TEK: variants seen among roughly 807,000 people sequenced by gnomAD.
TEK encodes angiopoietin-1 receptor.
Under a neutral mutation model 131.8 loss-of-function variants are expected in TEK, and 43 were observed. That is an observed-to-expected ratio of 0.33 (90% CI 0.26 to 0.42). The LOEUF (loss-of-function observed/expected upper bound fraction) is 0.42, where lower values mean the gene tolerates loss of function less well. Among genes scored for constraint, TEK ranks in the 10% least tolerant of loss-of-function variants. The pLI is 1.00. For missense variants in TEK, 1,162 were observed against 1,384.4 expected (o/e 0.84, Z 2.55); for synonymous variants, 580 against 491.6 (o/e 1.18, Z -2.38).
intron 1 of TEK, among the ~76,000 whole-genome samples, chr9:27,136,796 A>G (rs769588033): frequency 3.9e-5 from 6 of 151,990 alleles, no homozygotes; most frequent in Admixed American, 2.6e-4. Context: ...TGTGCCATCC[A>G]TTGGAATTTC....
chr9:27,170,589 G>C lies in TEK; in HGVS notation c.628+960G>C, dbSNP rs114108628. ...GCAGTGGGCCAGGCTGGTTGAAAGA[G>C]CAAGACCTTGTCTCAAAAACAAAAA... On this transcript the variant is annotated intron_variant, in intron 4 of 22. Coordinates refer to ENST00000380036, the MANE Select transcript of TEK (RefSeq NM_000459.5). Among the ~76,000 whole-genome samples, 1,386 of 143,978 alleles carry C rather than the reference G, an allele frequency of 9.6e-3. 20 individuals carry two copies. Among genetic ancestry groups the C allele is most frequent in the African/African-American group, 0.033 (1,299 of 38,988 alleles). The allele number at this position is 143,978 out of a possible 152,430, so 94.5% of individuals were successfully genotyped here.
At position 27,217,291 on chromosome 9, in the gene TEK, T is replaced by C. The variant is rs571573207; in HGVS notation, c.2992-397T>C. On this transcript the variant is annotated intron_variant, in intron 18 of 22. Transcript: ENST00000380036. ...TCCCTCCATCATCTCCAGGCGTAGT[T>C]GTTCTCTTCACCCTACCCCAGTTTC... Among the ~76,000 whole-genome samples, 14 of 152,318 alleles carry C rather than the reference T, an allele frequency of 9.2e-5. 1 individual carries two copies. In the South Asian group the frequency reaches 2.9e-3, roughly 32 times the overall value.
chr9:27,224,660 G>T (rs1053523153), intron 21 of TEK, among the ~76,000 whole-genome samples: 1 of 152,140 alleles, frequency 6.6e-6, no homozygotes, highest in Non-Finnish European at 1.5e-5. Flanking sequence ...ACACTGAATG[G>T]ACAAAAGCTG....
At chr9:27,130,003 C>G (rs1822151579) in intron 1 of TEK, among the ~76,000 whole-genome samples, 1 of 152,200 alleles carries the variant, frequency 6.6e-6, no homozygotes, top group Admixed American at 6.5e-5. Flanking sequence ...GCATTGCCTT[C>G]TAATAACTCT....
chr9:27,166,046 C>T (rs552097736), intron 2 of TEK, among the ~76,000 whole-genome samples: 5 of 152,234 alleles, frequency 3.3e-5, no homozygotes, highest in Non-Finnish European at 7.3e-5. Flanking sequence ...CTGAAAGCCA[C>T]GGATGAGATG....
intron 20 of TEK, among the ~76,000 whole-genome samples, chr9:27,219,736 G>A (rs1825981474): frequency 8.2e-6 from 1 of 121,274 alleles, no homozygotes; most frequent in Non-Finnish European, 1.9e-5. Context: ...AGAAAAAAAG[G>A]TTAATCTTAT....
chr9:27,182,228 T>A (rs372356567), intron 7 of TEK, among the ~76,000 whole-genome samples: 59 of 152,216 alleles, frequency 3.9e-4, no homozygotes, highest in African/African-American at 1.4e-3. Context: ...TTAACCAGGG[T>A]GTCACTAGGG....
At chr9:27,186,508 A>G (rs1310187155) in intron 9 of TEK, among the ~76,000 whole-genome samples, 4 of 152,196 alleles carry the variant, frequency 2.6e-5, no homozygotes, top group Non-Finnish European at 4.4e-5. Context: ...TTCAGACACA[A>G]TTTGTTTTCT....
chr9:27,122,869 C>T (rs1821843998), intron 1 of TEK, among the ~76,000 whole-genome samples: 1 of 151,190 alleles, frequency 6.6e-6, no homozygotes, highest in Non-Finnish European at 1.5e-5. Context: ...CTGGCTAATA[C>T]AGTGAAACCC....
chr9:27,171,510 A>G (rs1165881273), intron 4 of TEK, among the ~76,000 whole-genome samples: 1 of 152,184 alleles, frequency 6.6e-6, no homozygotes, highest in Non-Finnish European at 1.5e-5. Context: ...AAAAATGACA[A>G]TAGAAGTATG....
chr9:27,138,986 G>A (rs1245880481), intron 1 of TEK, among the ~76,000 whole-genome samples: 2 of 151,924 alleles, frequency 1.3e-5, no homozygotes, highest in African/African-American at 4.8e-5. Context: ...GAGGTGGGTG[G>A]ATCACGAGGT....
chr9:27,166,397 T>C (rs1223614009), intron 2 of TEK, among the ~76,000 whole-genome samples: 1 of 152,238 alleles, frequency 6.6e-6, no homozygotes, highest in African/African-American at 2.4e-5. Flanking sequence ...TTCTGAAAGT[T>C]TCCACCGTGT....
At chr9:27,163,589 A>T (rs1420980621) in intron 2 of TEK, among the ~76,000 whole-genome samples, 1 of 152,184 alleles carries the variant, frequency 6.6e-6, no homozygotes, top group East Asian at 1.9e-4. Context: ...ATTGAGAGCT[A>T]AGGATGTGGA....
chr9:27,196,762 C>CTTTTTTTTTTTTT (rs367911024), intron 11 of TEK, among the ~76,000 whole-genome samples: 1 of 99,286 alleles, frequency 1.0e-5, no homozygotes, highest in African/African-American at 4.0e-5. Flanking sequence ...GTGCTATACA[C>CTTTTTTTTTTTTT]TTTTTTTTTT....
intron 1 of TEK, among the ~76,000 whole-genome samples, chr9:27,140,345 TCTCACC>T (rs2131084017): frequency 6.6e-6 from 1 of 150,790 alleles, no homozygotes; most frequent in East Asian, 2.0e-4. Flanking sequence ...TTTATCTGGT[TCTCACC>T]CAAAGAAACA....
At chr9:27,225,434 C>A (rs1014850412) in intron 21 of TEK, among the ~76,000 whole-genome samples, 2 of 152,116 alleles carry the variant, frequency 1.3e-5, no homozygotes, top group African/African-American at 4.8e-5. Context: ...GGAATAACAC[C>A]ACACATCTAC....
rs1826004205 is a variant in TEK, at chr9:27,220,134, T to G, written c.3189T>G (p.Cys1063Trp). ...QGYRLEKPLN[C>W]DDEVYDLMRQ... ...ACAGACTGGAGAAGCCCCTGAACTG[T>G]GATGATGAGGTGTAAGTCAGGCCTC... is the stretch of plus-strand genomic sequence containing the variant. The change falls in exon 21 of 23, where the codon TGT becomes TGG. Residue 1063 changes from cysteine to tryptophan, a missense_variant. This residue lies in a region of TEK where 84 missense variants were observed against 80.3 expected (regional missense o/e 1.05). Transcript: ENST00000380036. 6.2e-7 allele frequency: 1 copy of G among 1,613,872 alleles called. No homozygotes were observed.
intron 18 of TEK, among the ~76,000 whole-genome samples, chr9:27,216,247 A>G (rs2131236172): frequency 6.6e-6 from 1 of 152,322 alleles, no homozygotes. Context: ...GGTAGAGAAC[A>G]GACAATTAGG....
rs367735464 is a variant in TEK at position 27,209,113 on chromosome 9, C to T, written c.2576-8C>T. ...AAGAAGAATCACAACCCTTGACTTTCTTCCCAGAATATGCCTCCAAAGATG... is the reference window on the plus strand; with the variant it reads ...AAGAAGAATCACAACCCTTGACTTTTTTCCCAGAATATGCCTCCAAAGATG... On this transcript the variant is annotated splice_polypyrimidine_tract_variant and splice_region_variant and intron_variant, in intron 15 of 22. Transcript: ENST00000380036. The T allele has an allele frequency of 1.6e-4, 259 of 1,603,528 alleles. No individual in the cohort carries two copies. The highest frequency in any genetic ancestry group is 8.2e-4 in the Middle Eastern group (5 of 6,064).
Sources: gnomAD v4.1 joint callset for allele counts (sites outside exome capture counted in the v4.1 genomes callset) on GRCh38, gnomAD v4.1.1 for gene constraint, gnomAD v4.1.1 regional missense constraint, MANE v1.5 for transcripts, NCBI Gene and HGNC (gene_info 2026-07-23, HGNC 2026-07-21) for gene names.